PHF21B: variants seen among roughly 807,000 people sequenced by gnomAD.
PHF21B encodes the protein PHD finger protein 4.
In PHF21B, 22 loss-of-function variants were observed where a neutral mutation model predicts 62.2. That is an observed-to-expected ratio of 0.35 (90% confidence interval 0.25 to 0.51). The LOEUF (loss-of-function observed/expected upper bound fraction) is 0.51. Among genes scored for constraint, PHF21B ranks in the 20% least tolerant of loss-of-function variants. The pLI, the probability that PHF21B is intolerant of heterozygous loss-of-function variation, is 0.97. For missense variants in PHF21B, 701 were observed against 707.9 expected (o/e 0.99, Z 0.11); for synonymous variants, 341 against 314.7 (o/e 1.08, Z -0.88).
intron 2 of PHF21B, among the ~76,000 whole-genome samples, chr22:44,945,725 G>C (rs908152481): frequency 3.0e-5 from 4 of 135,022 alleles, no homozygotes; most frequent in Non-Finnish European, 4.7e-5. Context: ...TTGGGGGGGG[G>C]GTGGTATAAA....
intron 1 of PHF21B, 91 bp from the exon 2 acceptor site, chr22:45,008,701 C>A: frequency 8.3e-7 from 1 of 1,209,366 alleles, no homozygotes; most frequent in Non-Finnish European, 1.0e-6. Flanking sequence ...CGCCCGGAGC[C>A]CCACGGGCGG....
intron 8 of PHF21B, among the ~76,000 whole-genome samples, chr22:44,890,778 C>T (rs1384878767): frequency 6.6e-6 from 1 of 152,262 alleles, no homozygotes; most frequent in Non-Finnish European, 1.5e-5. Flanking sequence ...CAGGTTCCAG[C>T]CTGAAGATCT....
At chr22:44,994,588 C>T (rs2073090990) in intron 2 of PHF21B, among the ~76,000 whole-genome samples, 1 of 152,244 alleles carries the variant, frequency 6.6e-6, no homozygotes. Context: ...TCAGTTACGG[C>T]AGCCACAGGA....
In PHF21B at chr22:44,886,636, G is replaced by A. The variant is rs1195995040; in HGVS notation, c.1198-698C>T. On this transcript the variant is annotated intron_variant, in intron 10 of 12. Coordinates refer to ENST00000313237, the MANE Select transcript of PHF21B (RefSeq NM_138415.5). ...CCGAAGGTCAAGACTGCAGTGAGCT[G>A]TGCTCATGCTCCTGCACTCTAGCCT... Among the ~76,000 whole-genome samples, 6 of 151,854 alleles carry A rather than the reference G, an allele frequency of 4.0e-5. No homozygotes were observed. In the South Asian group the frequency reaches 8.3e-4, roughly 21 times the overall value.
At chr22:44,985,194 A>T (rs2072923904) in intron 2 of PHF21B, among the ~76,000 whole-genome samples, 1 of 152,244 alleles carries the variant, frequency 6.6e-6, no homozygotes, top group African/African-American at 2.4e-5. Context: ...CAGTTTGTAA[A>T]TAAATGTAAA....
intron 2 of PHF21B, among the ~76,000 whole-genome samples, chr22:44,952,685 AAT>A (rs930191884): frequency 2.2e-4 from 33 of 152,206 alleles, no homozygotes; most frequent in African/African-American, 8.0e-4. Flanking sequence ...TCCTATGATG[AAT>A]ATGTTTACAG....
intron 2 of PHF21B, among the ~76,000 whole-genome samples, chr22:45,004,894 G>A (rs2073287516): frequency 6.6e-6 from 1 of 152,218 alleles, no homozygotes; most frequent in Non-Finnish European, 1.5e-5. Flanking sequence ...TTGGGGTAGT[G>A]CACAAGGTCC....
At chr22:44,895,738 T>C (rs1445870245) in intron 6 of PHF21B, among the ~76,000 whole-genome samples, 1 of 152,214 alleles carries the variant, frequency 6.6e-6, no homozygotes, top group Non-Finnish European at 1.5e-5. Context: ...CAGTGGGTAT[T>C]GTGCATAGTC....
chr22:44,887,371 GTTT>G (rs1474707788), intron 10 of PHF21B, among the ~76,000 whole-genome samples: 2 of 152,086 alleles, frequency 1.3e-5, no homozygotes, highest in African/African-American at 4.8e-5. Flanking sequence ...TGTAAAGCCT[GTTT>G]TTTATCTTTA....
chr22:44,906,702 G>A (rs1333071750), intron 5 of PHF21B, among the ~76,000 whole-genome samples: 16 of 152,244 alleles, frequency 1.1e-4, no homozygotes, highest in Admixed American at 7.2e-4. Context: ...CTCCGTGACC[G>A]TACATGTGGT....
chr22:44,911,803 C>T (rs2071348275), intron 5 of PHF21B, among the ~76,000 whole-genome samples: 1 of 152,214 alleles, frequency 6.6e-6, no homozygotes, highest in African/African-American at 2.4e-5. Flanking sequence ...GCTAGTGGAG[C>T]TATGAGAAGA....
At chr22:44,888,836 G>C (rs1361107681) in intron 9 of PHF21B, among the ~76,000 whole-genome samples, 1 of 152,140 alleles carries the variant, frequency 6.6e-6, no homozygotes, top group African/African-American at 2.4e-5. Context: ...CACAGGGAGG[G>C]GGAGGCAGTT....
chr22:44,921,341 G>A (rs1601600807), intron 2 of PHF21B, among the ~76,000 whole-genome samples: 1 of 150,992 alleles, frequency 6.6e-6, no homozygotes, highest in Non-Finnish European at 1.5e-5. Context: ...CACAGCCCCC[G>A]ATGGAACCGG....
At chr22:44,974,796 C>G (rs1264547271) in intron 2 of PHF21B, among the ~76,000 whole-genome samples, 1 of 152,168 alleles carries the variant, frequency 6.6e-6, no homozygotes, top group Non-Finnish European at 1.5e-5. Context: ...TCTAATAAGA[C>G]CAGGGTGGTA....
chr22:44,917,700 T>A (rs934878702), intron 3 of PHF21B, among the ~76,000 whole-genome samples: 12 of 152,226 alleles, frequency 7.9e-5, no homozygotes, highest in African/African-American at 2.9e-4. Context: ...CTGTCTGGCA[T>A]CGGTGAAGGG....
At chr22:44,921,663 C>T (rs1019041070) in intron 2 of PHF21B, among the ~76,000 whole-genome samples, 1 of 151,542 alleles carries the variant, frequency 6.6e-6, no homozygotes, top group Non-Finnish European at 1.5e-5. Context: ...CCACGGAACC[C>T]AGCCTTTCTT....
chr22:44,968,501 G>A (rs112571428), intron 2 of PHF21B, among the ~76,000 whole-genome samples: 10 of 152,110 alleles, frequency 6.6e-5, no homozygotes, highest in Admixed American at 2.0e-4. Flanking sequence ...AAAAGTAGCC[G>A]AGCGTGGTGG....
intron 2 of PHF21B, among the ~76,000 whole-genome samples, chr22:44,993,928 T>C (rs28409411): frequency 6.6e-6 from 1 of 152,352 alleles, no homozygotes; most frequent in South Asian, 2.1e-4. Context: ...CCAGCTTTTC[T>C]GAGATGGTCC....
At chr22:44,986,013 A>G (rs2072940109) in intron 2 of PHF21B, among the ~76,000 whole-genome samples, 1 of 151,918 alleles carries the variant, frequency 6.6e-6, no homozygotes, top group Non-Finnish European at 1.5e-5. Flanking sequence ...AACCATCACC[A>G]GCAGCAGCAC....
Sources: allele counts gnomAD v4.1 joint callset (sites outside exome capture counted in the v4.1 genomes callset), GRCh38; gene constraint gnomAD v4.1.1; transcripts MANE v1.5; gene names NCBI Gene and HGNC (gene_info 2026-07-23, HGNC 2026-07-21).